Variants in FNIP2 observed in about 807,000 individuals in gnomAD.
FNIP2 encodes folliculin-interacting protein 2.
A neutral mutation model predicts 108.7 loss-of-function variants in FNIP2; 32 were observed. That is an observed-to-expected ratio of 0.29 (90% CI 0.22 to 0.40). The LOEUF (loss-of-function observed/expected upper bound fraction) is 0.40, where lower values mean the gene tolerates loss of function less well. FNIP2 is among the 10% of genes least tolerant of loss of function. FNIP2 has a pLI of 1.00. For missense variants in FNIP2, 1,202 were observed against 1,381.6 expected, an observed-to-expected ratio of 0.87 and a Z score of 2.06; for synonymous variants, 480 against 496.7, an observed-to-expected ratio of 0.97 and a Z score of 0.45.
At chr4:158,886,735 A>G (rs1423324673) in intron 14 of FNIP2, among the ~76,000 whole-genome samples, 1 of 152,230 alleles carries the variant, frequency 6.6e-6, no homozygotes, top group East Asian at 1.9e-4. Context: ...AGTTTCTCAA[A>G]CAGGCATCTT....
chr4:158,826,105 C>A, intron 2 of FNIP2, 63 bp downstream of exon 2: 1 of 1,550,826 alleles, frequency 6.4e-7, no homozygotes, highest in Non-Finnish European at 8.8e-7. Flanking sequence ...TCTGATCAAT[C>A]ATTTATTAAT....
chr4:158,780,267 G>A (rs1330865228), intron 1 of FNIP2, among the ~76,000 whole-genome samples: 1 of 151,762 alleles, frequency 6.6e-6, no homozygotes, highest in African/African-American at 2.4e-5. Context: ...ACTTATTTAT[G>A]ATTATAAAGA....
chr4:158,798,305 C>T (rs1368456216), intron 1 of FNIP2, among the ~76,000 whole-genome samples: 1 of 152,120 alleles, frequency 6.6e-6, no homozygotes, highest in Non-Finnish European at 1.5e-5. Flanking sequence ...CTGAAGTGAT[C>T]CTCCCACCTC....
In FNIP2 at chr4:158,854,971, TACA is replaced by T. The variant is rs1200632087; in HGVS notation, c.857+3522_857+3524del. Among the ~76,000 whole-genome samples, 14 of 152,330 alleles carry T rather than the reference TACA, an allele frequency of 9.2e-5. No individual in the cohort carries two copies. In the South Asian group the frequency reaches 2.9e-3, roughly 32 times the overall value. ...AGAATAGTATTTCTATAATAGGTTTTACAGTTAGCTTTGGGGAAAAAAGAGGCT... is the reference window on the plus strand; with the variant it reads ...AGAATAGTATTTCTATAATAGGTTTTGTTAGCTTTGGGGAAAAAAGAGGCT... On this transcript the variant is annotated intron_variant, in intron 8 of 16. Coordinates refer to ENST00000264433, the MANE Select transcript of FNIP2 (RefSeq NM_020840.3).
chr4:158,862,313 A>G (rs1228237888), intron 12 of FNIP2, among the ~76,000 whole-genome samples: 3 of 152,216 alleles, frequency 2.0e-5, no homozygotes, highest in Admixed American at 1.3e-4. Context: ...CTGGTTTTAC[A>G]CATAGTCATT....
chr4:158,820,847 G>T (rs1045677355), intron 1 of FNIP2, among the ~76,000 whole-genome samples: 1 of 152,210 alleles, frequency 6.6e-6, no homozygotes, highest in South Asian at 2.1e-4. Context: ...TACTAATTCA[G>T]TATGGCCTCA....
chr4:158,777,455 A>G lies in FNIP2; in HGVS notation c.107+8136A>G, dbSNP rs549084509. On this transcript the variant is annotated intron_variant, in intron 1 of 16. Coordinates refer to ENST00000264433, the MANE Select transcript of FNIP2 (RefSeq NM_020840.3). ...ATTTGAGAAACTAATTTAGAAATGG[A>G]TTTGCGAATCTGACATGTTCTTTAA... is the stretch of plus-strand genomic sequence containing the variant. Among the ~76,000 whole-genome samples, 4 of 152,336 alleles carry G rather than the reference A, an allele frequency of 2.6e-5. No homozygotes were observed. In the South Asian group the frequency reaches 8.3e-4, roughly 32 times the overall value.
At chr4:158,865,070 G>T (rs145154120) in intron 12 of FNIP2, among the ~76,000 whole-genome samples, 1 of 152,072 alleles carries the variant, frequency 6.6e-6, no homozygotes, top group Non-Finnish European at 1.5e-5. Context: ...CTGCTTCCAT[G>T]CACTCTGTCT....
intron 6 of FNIP2, chr4:158,833,908 A>G (rs1357958182): frequency 1.5e-6 from 2 of 1,365,166 alleles, no homozygotes; most frequent in African/African-American, 3.0e-5. Context: ...TGGAATGCTG[A>G]GTACAGTGTG....
At chr4:158,881,686 C>T (rs999797201) in intron 14 of FNIP2, among the ~76,000 whole-genome samples, 6 of 152,210 alleles carry the variant, frequency 3.9e-5, no homozygotes, top group East Asian at 1.9e-4. Context: ...CTCCTAACCG[C>T]GAGTGATCTG....
In FNIP2 at chr4:158,861,459, A is replaced by G. The variant is rs1427867192; in HGVS notation, c.1266A>G (p.Thr422=). The change falls in exon 11 of 17, where the codon ACA becomes ACG. Residue 422 remains threonine, a synonymous_variant. Coordinates refer to ENST00000264433, the MANE Select transcript of FNIP2 (RefSeq NM_020840.3). ...GCCAGCGCTTTCTCAAGGAGTTTAC[A>G]CTTCTGATAGAACAGATAAATAAAA... The part of the protein sequence containing the change: ...QLCQRFLKEF[T]LLIEQINKNQ... The G allele has an allele frequency of 3.1e-6, 5 of 1,613,906 alleles. No individual in the cohort carries two copies. Among genetic ancestry groups the G allele is most frequent in the Non-Finnish European group, 4.2e-6 (5 of 1,179,912 alleles).
rs200235335 is a variant in FNIP2 at position 158,870,115 on chromosome 4, G to GT, written c.2793-189dup. 3.8e-3 allele frequency among the ~76,000 whole-genome samples: 570 copies of GT among 151,638 alleles called. 4 individuals are homozygous for GT. Among genetic ancestry groups the GT allele is most frequent in the African/African-American group, 0.013 (530 of 41,328 alleles). On this transcript the variant is annotated intron_variant, in intron 13 of 16. Transcript: ENST00000264433. ...ACAAACTCATAACTAGCCATGGATA[G>GT]TTTTTTTTTCTTCCAGCCTTCCACT... is the stretch of plus-strand genomic sequence containing the variant.
chr4:158,805,219 G>A (rs1423818256), intron 1 of FNIP2, among the ~76,000 whole-genome samples: 2 of 152,172 alleles, frequency 1.3e-5, no homozygotes, highest in Non-Finnish European at 2.9e-5. Context: ...ATCCATTAAT[G>A]TTTTCTTCAC....
chr4:158,893,813 C>T lies in FNIP2; in HGVS notation c.3151-1937C>T, dbSNP rs182999722. ...ATTCTATAATACATACGTCTTGTCACAGTTGATATCTTGGTTATCAAAGCA... is the reference window on the plus strand; with the variant it reads ...ATTCTATAATACATACGTCTTGTCATAGTTGATATCTTGGTTATCAAAGCA... On this transcript the variant is annotated intron_variant, in intron 15 of 16. Coordinates refer to ENST00000264433, the MANE Select transcript of FNIP2 (RefSeq NM_020840.3). The T allele has an allele frequency of 2.3e-4, 181 of 770,516 alleles. No individual in the cohort carries two copies. In the African/African-American group the frequency reaches 2.8e-3, roughly 12 times the overall value. 47.7% of individuals were successfully genotyped at this position (770,516 alleles called of 1,614,324 possible).
At position 158,870,448 on chromosome 4, in the gene FNIP2, C is replaced by T. The variant is rs760009702; in HGVS notation, c.2928C>T (p.Ala976=). 18 of 1,612,556 alleles carry T rather than the reference C, an allele frequency of 1.1e-5. No individual in the cohort carries two copies. Among genetic ancestry groups the T allele is most frequent in the South Asian group, 5.5e-5 (5 of 90,908 alleles). The change falls in exon 14 of 17, where the codon GCC becomes GCT. Residue 976 remains alanine, a synonymous_variant. Transcript: ENST00000264433. ...AGAAGCTGAAGCAGTGCCTGGTGGC[C>T]GACCTTGTCCACACAGTCCATGTAA... ...SDEKLKQCLV[A]DLVHTVHHPV... is the part of the protein sequence containing the mutation.
chr4:158,904,382 A>G, intron 16 of FNIP2, 84 bp from the exon 17 acceptor site: 1 of 1,249,082 alleles, frequency 8.0e-7, no homozygotes, highest in South Asian at 1.2e-5. Context: ...CCTAGAAATA[A>G]TACTTTCTCA....
rs1362644139 is a variant in FNIP2 at position 158,905,600 on chromosome 4, G to A, written c.*1056G>A. On this transcript the variant is annotated 3_prime_UTR_variant, in exon 17 of 17. Coordinates refer to ENST00000264433, the MANE Select transcript of FNIP2 (RefSeq NM_020840.3). Reference sequence around the variant, plus strand: ...TAAATTTTTATATTATCATTTCTGTGCCTTCTAATTCCTGCATCCTTTTCA... The same window carrying A: ...TAAATTTTTATATTATCATTTCTGTACCTTCTAATTCCTGCATCCTTTTCA... 1 of 151,050 alleles carries A rather than the reference G, an allele frequency of 6.6e-6. No homozygotes were observed. Among genetic ancestry groups the A allele is most frequent in the East Asian group, 1.9e-4 (1 of 5,158 alleles). 9.4% of individuals were successfully genotyped at this position (151,050 alleles called of 1,614,324 possible).
chr4:158,902,065 C>CAT (rs1729344891), intron 16 of FNIP2, among the ~76,000 whole-genome samples: 1 of 151,980 alleles, frequency 6.6e-6, no homozygotes, highest in African/African-American at 2.4e-5. Flanking sequence ...GAGGAGAGAG[C>CAT]ATTCTGGTTT....
chr4:158,858,920 T>C (rs796792304), intron 8 of FNIP2, 137 bp from the exon 9 acceptor site: 2 of 684,542 alleles, frequency 2.9e-6, no homozygotes, highest in African/African-American at 3.6e-5. Context: ...CAGGGAATTA[T>C]AGAAAAGAAT....
Sources: allele counts gnomAD v4.1 joint callset (sites outside exome capture counted in the v4.1 genomes callset), GRCh38; gene constraint gnomAD v4.1.1; transcripts MANE v1.5; gene names NCBI Gene and HGNC (gene_info 2026-07-23, HGNC 2026-07-21).